The following CAMTA1 variants were observed in gnomAD, a reference collection of about 807,000 sequenced individuals.
CAMTA1 encodes calmodulin binding transcription activator 1, also known as calmodulin-binding transcription activator 1.
A neutral mutation model predicts 170.9 loss-of-function variants in CAMTA1; 27 were observed. The ratio of observed to expected loss-of-function variants is 0.16; its 90% confidence interval spans 0.12 to 0.22. The LOEUF (loss-of-function observed/expected upper bound fraction) is 0.22. CAMTA1 is among the 10% of genes least tolerant of loss of function. The pLI is 1.00. For missense variants in CAMTA1, 1,619 were observed against 2,217.2 expected, an observed-to-expected ratio of 0.73 and a Z score of 5.42; for synonymous variants, 833 against 891.5, an observed-to-expected ratio of 0.93 and a Z score of 1.17.
At position 7,736,461 on chromosome 1, in the gene CAMTA1, A is replaced by C. The variant is rs775741721; in HGVS notation, c.3184A>C (p.Thr1062Pro). The C allele has an allele frequency of 6.2e-7, 1 of 1,614,052 alleles. No individual in the cohort carries two copies. The highest frequency in any genetic ancestry group is 1.1e-5 in the South Asian group (1 of 91,090). ...AKSKHLIHSK[T>P]FRGMTLLHLA... ...GTCCAAGCACTTGATCCACTCAAAG[A>C]CTTTCCGCGGAATGACCCTACTCCA... Residue 1062 changes from threonine (T) to proline (P), a missense_variant, in exon 13 of 23, where the codon ACT becomes CCT. Thr to Pro is a conservative substitution (Grantham distance 38, BLOSUM62 -1). Coordinates refer to ENST00000303635, the MANE Select transcript of CAMTA1 (RefSeq NM_015215.4). The surrounding 1 kb of genome is among the most constrained non-coding windows in gnomAD (Gnocchi z 4.5).
intron 11 of CAMTA1, among the ~76,000 whole-genome samples, chr1:7,726,333 T>C (rs1323533971): frequency 1.3e-5 from 2 of 152,164 alleles, no homozygotes; most frequent in African/African-American, 4.8e-5. Flanking sequence ...GGATCTAACA[T>C]TCACCTATAC....
At chr1:7,612,487 C>T (rs1271009731) in intron 6 of CAMTA1, among the ~76,000 whole-genome samples, 1 of 152,180 alleles carries the variant, frequency 6.6e-6, no homozygotes, top group African/African-American at 2.4e-5. Flanking sequence ...TAGGAGGGCA[C>T]GGTGGGCTAA....
intron 4 of CAMTA1, among the ~76,000 whole-genome samples, chr1:7,228,591 C>T (rs1374832128): frequency 6.6e-6 from 1 of 152,232 alleles, no homozygotes; most frequent in East Asian, 1.9e-4. Flanking sequence ...CTGTGGCTCT[C>T]CCAGGGGTTT....
chr1:7,327,427 A>T (rs2082758043), intron 5 of CAMTA1, among the ~76,000 whole-genome samples: 1 of 147,446 alleles, frequency 6.8e-6, no homozygotes, highest in South Asian at 2.1e-4. Flanking sequence ...AAAAAAAAAG[A>T]AAAAAGACCA....
intron 20 of CAMTA1, among the ~76,000 whole-genome samples, chr1:7,752,019 G>GT (rs1475009162): frequency 6.6e-6 from 1 of 152,176 alleles, no homozygotes; most frequent in Non-Finnish European, 1.5e-5. Context: ...TTTAGAGACT[G>GT]TAATAAAAAT....
At chr1:7,232,110 G>A (rs891751398) in intron 4 of CAMTA1, among the ~76,000 whole-genome samples, 17 of 152,336 alleles carry the variant, frequency 1.1e-4, no homozygotes, top group African/African-American at 3.8e-4. Flanking sequence ...GCCTGTTAGA[G>A]GACTCCAGGG....
chr1:7,072,130 T>A (rs1638730561), intron 3 of CAMTA1, among the ~76,000 whole-genome samples: 1 of 152,244 alleles, frequency 6.6e-6, no homozygotes, highest in Non-Finnish European at 1.5e-5. Flanking sequence ...CCAGCTGAGC[T>A]GAACGACACG....
chr1:7,087,436 C>G (rs977268429), intron 3 of CAMTA1, among the ~76,000 whole-genome samples: 1 of 152,168 alleles, frequency 6.6e-6, no homozygotes, highest in East Asian at 1.9e-4. Context: ...CTGGACTCCT[C>G]CTGGTCCACT....
intron 3 of CAMTA1, among the ~76,000 whole-genome samples, chr1:6,978,581 C>CCTCA (rs1167858817): frequency 6.6e-6 from 1 of 151,954 alleles, no homozygotes; most frequent in Non-Finnish European, 1.5e-5. Context: ...TTGCAGTGAG[C>CCTCA]TGAGATTGCG....
intron 4 of CAMTA1, among the ~76,000 whole-genome samples, chr1:7,238,686 C>T (rs1664326580): frequency 6.6e-6 from 1 of 152,212 alleles, no homozygotes; most frequent in Non-Finnish European, 1.5e-5. Flanking sequence ...GAGTTCAAGA[C>T]CAGCCTGACC....
chr1:6,865,715 G>A (rs917419487), intron 3 of CAMTA1, among the ~76,000 whole-genome samples: 2 of 152,212 alleles, frequency 1.3e-5, no homozygotes. Flanking sequence ...TATTCTCACA[G>A]CAACTCTGTG....
chr1:7,549,101 C>T (rs539198015), intron 6 of CAMTA1, among the ~76,000 whole-genome samples: 98 of 138,524 alleles, frequency 7.1e-4, no homozygotes, highest in African/African-American at 2.5e-3. Flanking sequence ...TGGAGGTGCC[C>T]TTGCAGGGTC....
intron 3 of CAMTA1, among the ~76,000 whole-genome samples, chr1:6,907,535 C>T (rs547606925): frequency 3.3e-5 from 5 of 152,252 alleles, no homozygotes; most frequent in Admixed American, 1.3e-4. Flanking sequence ...TTGTCCAGAC[C>T]GCCGCTCTAT....
At chr1:7,004,641 T>G (rs2100680786) in intron 3 of CAMTA1, among the ~76,000 whole-genome samples, 1 of 152,358 alleles carries the variant, frequency 6.6e-6, no homozygotes, top group South Asian at 2.1e-4. Flanking sequence ...CAAGATTATA[T>G]CATGCCAGCA....
At chr1:7,391,067 G>A (rs1194167748) in intron 5 of CAMTA1, among the ~76,000 whole-genome samples, 2 of 151,798 alleles carry the variant, frequency 1.3e-5, no homozygotes, top group Non-Finnish European at 2.9e-5. Context: ...ACGCGATCTC[G>A]GCTCACCGCA....
chr1:7,521,049 G>C (rs559865997), intron 6 of CAMTA1, among the ~76,000 whole-genome samples: 17 of 152,142 alleles, frequency 1.1e-4, no homozygotes, highest in African/African-American at 3.9e-4. Flanking sequence ...TCAGTCCATG[G>C]GGAAATAAGA....
intron 5 of CAMTA1, among the ~76,000 whole-genome samples, chr1:7,403,090 C>T (rs1436460134): frequency 1.3e-5 from 2 of 152,172 alleles, no homozygotes; most frequent in Non-Finnish European, 2.9e-5. Flanking sequence ...CGGTGGCTCA[C>T]GCCTATAATC....
chr1:7,436,067 ACT>A (rs562338998), intron 5 of CAMTA1, among the ~76,000 whole-genome samples: 87 of 152,018 alleles, frequency 5.7e-4, no homozygotes, highest in African/African-American at 2.0e-3. Context: ...TATCAGGTAG[ACT>A]CTCAGCCTCA....
chr1:6,799,228 C>T (rs554839196), intron 1 of CAMTA1, among the ~76,000 whole-genome samples: 11 of 152,082 alleles, frequency 7.2e-5, no homozygotes, highest in East Asian at 1.9e-4. Flanking sequence ...CCACCACACC[C>T]GGCTAATTCT....
Sources: allele counts gnomAD v4.1 joint callset (sites outside exome capture counted in the v4.1 genomes callset), GRCh38; gene constraint gnomAD v4.1.1; non-coding constraint Gnocchi (gnomAD v3.1); transcripts MANE v1.5; gene names NCBI Gene and HGNC (gene_info 2026-07-23, HGNC 2026-07-21).